NPHS2: variants seen among roughly 807,000 people sequenced by gnomAD.
The protein encoded by NPHS2 is podocin.
NPHS2 carries 36 observed loss-of-function variants against 37.1 expected under a neutral mutation model. The observed-to-expected ratio is 0.97, with a 90% CI of 0.74 to 1.28. The LOEUF is 1.28. NPHS2 is among the 50% of genes most tolerant of loss of function. NPHS2 has a pLI of 0.00. For synonymous variants in NPHS2, 196 were observed against 189.3 expected (o/e 1.04, Z -0.29); for missense variants, 447 against 488.1 (o/e 0.92, Z 0.79).
chr1:179,572,502 C>CAGTA (rs1329140668), intron 1 of NPHS2, among the ~76,000 whole-genome samples: 1 of 152,170 alleles, frequency 6.6e-6, no homozygotes, highest in African/African-American at 2.4e-5. Context: ...GTCTTATTTA[C>CAGTA]AGTATGCCCC....
At position 179,554,691 on chromosome 1, in the gene NPHS2, G is replaced by GT; in HGVS notation, c.739-161dup. The GT allele has an allele frequency of 3.2e-6, 3 of 946,776 alleles. No individual in the cohort carries two copies. In the South Asian group the frequency reaches 4.3e-5, roughly 14 times the overall value. 58.6% of individuals were successfully genotyped at this position (946,776 alleles called of 1,614,324 possible). A position where few individuals can be genotyped will look rare whatever the true frequency, so the allele number is the denominator to read the frequency against. The stretch of plus-strand genomic sequence containing the variant: ...ACTTCACAGTGCCTTGCAAAGAGTT[G>GT]TTTAACTTGCATGGTGCCACCCAAT... On this transcript the variant is annotated intron_variant, in intron 5 of 7. Coordinates refer to ENST00000367615, the MANE Select transcript of NPHS2 (RefSeq NM_014625.4).
chr1:179,565,526 T>C (rs2101872384), intron 1 of NPHS2, among the ~76,000 whole-genome samples: 1 of 152,338 alleles, frequency 6.6e-6, no homozygotes, highest in South Asian at 2.1e-4. Context: ...CACATACACA[T>C]AAAAAGCACT....
intron 2 of NPHS2, among the ~76,000 whole-genome samples, chr1:179,563,579 C>CT (rs2125789351): frequency 6.6e-6 from 1 of 152,266 alleles, no homozygotes; most frequent in South Asian, 2.1e-4. Context: ...ATAAAACTAA[C>CT]TTAAACAAAC....
chr1:179,570,523 C>T (rs905192401), intron 1 of NPHS2, among the ~76,000 whole-genome samples: 8 of 152,202 alleles, frequency 5.3e-5, no homozygotes, highest in Middle Eastern at 3.2e-3. Context: ...TGCCTTTAAG[C>T]GGTTTTCCTC....
chr1:179,572,182 C>G (rs1049320446), intron 1 of NPHS2, among the ~76,000 whole-genome samples: 1 of 152,132 alleles, frequency 6.6e-6, no homozygotes, highest in Non-Finnish European at 1.5e-5. Flanking sequence ...CGGAGCTGTT[C>G]CTATTTGGCC....
intron 3 of NPHS2, 108 bp from the exon 4 acceptor site, chr1:179,559,869 A>G (rs574712839): frequency 1.5e-6 from 1 of 686,560 alleles, no homozygotes; most frequent in Admixed American, 2.1e-5. Context: ...CTTAGCCTCT[A>G]ATTACAGACC....
At chr1:179,575,245 T>A (rs534929320) in intron 1 of NPHS2, among the ~76,000 whole-genome samples, 2 of 152,304 alleles carry the variant, frequency 1.3e-5, no homozygotes, top group East Asian at 3.9e-4. Flanking sequence ...TGCATGTCTT[T>A]ACTTAAATTA....
intron 2 of NPHS2, 140 bp from the exon 3 acceptor site, chr1:179,561,501 C>T: frequency 1.5e-6 from 1 of 659,954 alleles, no homozygotes; most frequent in Non-Finnish European, 2.7e-6. Flanking sequence ...CTTAAGTTTC[C>T]AAAATCTATA....
At chr1:179,571,257 G>T (rs1419273113) in intron 1 of NPHS2, among the ~76,000 whole-genome samples, 2 of 152,188 alleles carry the variant, frequency 1.3e-5, no homozygotes, top group Non-Finnish European at 2.9e-5. Flanking sequence ...TGGCATAGAT[G>T]ACCTTTTTGT....
At position 179,551,434 on chromosome 1, in the gene NPHS2, C is replaced by T. The variant is rs5005771; in HGVS notation, c.891G>A (p.Ala297=). The change falls in exon 8 of 8, where the codon GCG becomes GCA. Residue 297 remains alanine (A), a synonymous_variant. Coordinates refer to ENST00000367615, the MANE Select transcript of NPHS2 (RefSeq NM_014625.4). ...QAKVRMIAAE[A]EKAASESLRM... Reference sequence around the variant, plus strand: ...TCAGGGACTCAGAAGCAGCCTTTTCCGCTTCTGCAGCAATCATCTAGAAAA... The same window carrying T: ...TCAGGGACTCAGAAGCAGCCTTTTCTGCTTCTGCAGCAATCATCTAGAAAA... 1,544 of 1,613,492 alleles carry T rather than the reference C, an allele frequency of 9.6e-4. 11 individuals are homozygous for T. The African/African-American group carries it at 0.019, about 20-fold the overall frequency.
At chr1:179,554,686 G>A (rs1673810547) in intron 5 of NPHS2, 155 bp from the exon 6 acceptor site, 2 of 1,025,044 alleles carry the variant, frequency 2.0e-6, no homozygotes, top group African/African-American at 1.6e-5. Context: ...GCCTTGCAAA[G>A]AGTTGTTTAA....
chr1:179,564,193 C>T (rs567211270), intron 2 of NPHS2, among the ~76,000 whole-genome samples: 6 of 152,348 alleles, frequency 3.9e-5, no homozygotes, highest in African/African-American at 9.6e-5. Flanking sequence ...CAGGCAATAT[C>T]TCCCAATAAA....
Position 179,575,130 on chromosome 1 carries a change from A to G in NPHS2, c.274+461T>C, listed in dbSNP as rs550868202. On this transcript the variant is annotated intron_variant, in intron 1 of 7. Coordinates refer to ENST00000367615, the MANE Select transcript of NPHS2 (RefSeq NM_014625.4). ...CTTGGCTCTGCTGCGACTGCTTTTCAGAAAGAATGATCATCTTCCCAGAAG... is the reference window on the plus strand; with the variant it reads ...CTTGGCTCTGCTGCGACTGCTTTTCGGAAAGAATGATCATCTTCCCAGAAG... 1.6e-4 allele frequency among the ~76,000 whole-genome samples: 24 copies of G among 152,338 alleles called. 1 individual carries two copies. In the South Asian group the frequency reaches 2.3e-3, roughly 14 times the overall value.
At position 179,550,970 on chromosome 1, in the gene NPHS2, T is replaced by G; in HGVS notation, c.*203A>C. 1 of 642,776 alleles carries G rather than the reference T, an allele frequency of 1.6e-6. No individual in the cohort carries two copies. The highest frequency in any genetic ancestry group is 2.7e-6 in the Non-Finnish European group (1 of 369,950). 39.8% of individuals were successfully genotyped at this position (642,776 alleles called of 1,614,324 possible). On this transcript the variant is annotated 3_prime_UTR_variant, in exon 8 of 8. Coordinates refer to ENST00000367615, the MANE Select transcript of NPHS2 (RefSeq NM_014625.4). The stretch of plus-strand genomic sequence containing the variant: ...CCCATAATTGCTCTGACTAGATGAG[T>G]CACGGAAACATGTTGTCTGCCTTCT...
At chr1:179,564,866 C>T (rs1674277917) in intron 1 of NPHS2, 73 bp from the exon 2 acceptor site, 2 of 1,222,346 alleles carry the variant, frequency 1.6e-6, no homozygotes, top group Non-Finnish European at 2.4e-6. Context: ...TCTGTTGGTC[C>T]AATTCTTGGT....
rs12092587 is a variant in NPHS2, at chr1:179,557,991, A to G, written c.535-761T>C. Among the ~76,000 whole-genome samples the G allele has an allele frequency of 1.3e-3, 193 of 152,318 alleles. 3 individuals are homozygous for G. Among genetic ancestry groups the G allele is most frequent in the Middle Eastern group, 0.01 (3 of 294 alleles). The stretch of plus-strand genomic sequence containing the variant: ...CATACACTGAAAAATCTGAAAGGAT[A>G]TACTCCAAAATATCAACAGTTAACT... On this transcript the variant is annotated intron_variant, in intron 4 of 7. Coordinates refer to ENST00000367615, the MANE Select transcript of NPHS2 (RefSeq NM_014625.4).
At position 179,554,525 on chromosome 1, in the gene NPHS2, A is replaced by G. The variant is rs1171758025; in HGVS notation, c.745T>C (p.Leu249=). The G allele has an allele frequency of 1.2e-6, 2 of 1,614,056 alleles. No homozygotes were observed. The highest frequency in any genetic ancestry group is 1.7e-6 in the Non-Finnish European group (2 of 1,180,022). ...CCCCAAATACAGGTCACTGAATCCAAGGCAACCTGTGGAAAGAAGAATTCA... is the reference window on the plus strand; with the variant it reads ...CCCCAAATACAGGTCACTGAATCCAGGGCAACCTGTGGAAAGAAGAATTCA... ...KSIAQDAKVA[L]DSVTCIWGIK... Residue 249 remains leucine, a synonymous_variant, in exon 6 of 8, where the codon TTG becomes CTG. Coordinates refer to ENST00000367615, the MANE Select transcript of NPHS2 (RefSeq NM_014625.4).
chr1:179,565,116 A>T (rs956236622), intron 1 of NPHS2, among the ~76,000 whole-genome samples: 1 of 152,066 alleles, frequency 6.6e-6, no homozygotes, highest in Non-Finnish European at 1.5e-5. Flanking sequence ...ACAAAAAAAA[A>T]ATTAAAAACT....
chr1:179,574,537 C>G (rs1355263061), intron 1 of NPHS2, among the ~76,000 whole-genome samples: 1 of 152,126 alleles, frequency 6.6e-6, no homozygotes, highest in Admixed American at 6.5e-5. Flanking sequence ...ATTTACTGAA[C>G]AGAGGTTTCT....
Sources: gnomAD v4.1 joint callset for allele counts (sites outside exome capture counted in the v4.1 genomes callset) on GRCh38, gnomAD v4.1.1 for gene constraint, MANE v1.5 for transcripts, NCBI Gene and HGNC (gene_info 2026-07-23, HGNC 2026-07-21) for gene names.